Variants in NIPSNAP1 observed in about 807,000 individuals in gnomAD.
NIPSNAP1 encodes protein NipSnap homolog 1.
A neutral mutation model predicts 49.2 loss-of-function variants in NIPSNAP1; 25 were observed. The observed-to-expected ratio is 0.51, with a 90% CI of 0.37 to 0.71. The LOEUF (loss-of-function observed/expected upper bound fraction) is 0.71. NIPSNAP1 is among the 30% of genes least tolerant of loss of function. The probability of loss-of-function intolerance (pLI) is 0.00; values close to 1 mark genes in which losing one functional copy is unlikely to be tolerated. For synonymous variants in NIPSNAP1, 143 were observed against 140.7 expected, an observed-to-expected ratio of 1.02 and a Z score of -0.12; for missense variants, 294 against 361.0, an observed-to-expected ratio of 0.81 and a Z score of 1.50.
chr22:29,569,919 G>T lies in NIPSNAP1; in HGVS notation c.272+243C>A, dbSNP rs542694536. Reference sequence around the variant, plus strand: ...CAGGAGAATCGCTTGTACCTGGGAGGCAGAGGTTGCAGTGAGCCGAGATCG... The same window carrying T: ...CAGGAGAATCGCTTGTACCTGGGAGTCAGAGGTTGCAGTGAGCCGAGATCG... On this transcript the variant is annotated intron_variant, in intron 3 of 9. Coordinates refer to ENST00000216121, the MANE Select transcript of NIPSNAP1 (RefSeq NM_003634.4). The T allele has an allele frequency of 9.9e-4, 507 of 512,850 alleles. 5 individuals carry two copies. Among genetic ancestry groups the T allele is most frequent in the African/African-American group, 9.3e-3 (475 of 51,100 alleles). The allele number at this position is 512,850 out of a possible 1,614,324, so 31.8% of individuals were successfully genotyped here.
intron 4 of NIPSNAP1, 21 bp downstream of exon 4, chr22:29,569,172 C>T (rs1366100501): frequency 2.5e-6 from 4 of 1,608,890 alleles, no homozygotes; most frequent in Non-Finnish European, 2.6e-6. Context: ...GGCAATGGCA[C>T]TAGGGAGGTG....
Position 29,560,803 on chromosome 22 carries a change from C to T in NIPSNAP1, c.637G>A (p.Glu213Lys). ...NWARAIKYRQ[E>K]NQEAVGGFFS... Reference sequence around the variant, plus strand: ...AAGCCGCCCACTGCCTCCTGGTTCTCCTGCCGGTACTTGATGGCCCGAGCC... The same window carrying T: ...AAGCCGCCCACTGCCTCCTGGTTCTTCTGCCGGTACTTGATGGCCCGAGCC... The change falls in exon 8 of 10, where the codon GAG becomes AAG. Residue 213 changes from glutamate to lysine, a missense_variant. Glu to Lys is a moderately conservative substitution (Grantham distance 56, BLOSUM62 1). Transcript: ENST00000216121. The T allele has an allele frequency of 1.2e-6, 2 of 1,614,150 alleles. No individual in the cohort carries two copies. The highest frequency in any genetic ancestry group is 2.2e-5 in the South Asian group (2 of 91,082).
intron 3 of NIPSNAP1, chr22:29,569,955 C>T: frequency 1.7e-6 from 1 of 580,008 alleles, no homozygotes; most frequent in Non-Finnish European, 3.1e-6. Flanking sequence ...CGCCATTGCA[C>T]TCCAGCCTGG....
chr22:29,576,012 C>T (rs2064449089), intron 1 of NIPSNAP1, among the ~76,000 whole-genome samples: 1 of 98,648 alleles, frequency 1.0e-5, no homozygotes, highest in East Asian at 2.4e-4. Flanking sequence ...CCACACTTGG[C>T]CTTTTTTTTT....
intron 4 of NIPSNAP1, 76 bp from the exon 5 acceptor site, chr22:29,561,938 G>A (rs2146604136): frequency 7.2e-7 from 1 of 1,387,194 alleles, no homozygotes; most frequent in Admixed American, 1.7e-5. Context: ...TTGGCTAAGT[G>A]GTGGGGACGG....
intron 1 of NIPSNAP1, chr22:29,580,215 T>C: frequency 7.7e-7 from 1 of 1,303,404 alleles, no homozygotes; most frequent in Non-Finnish European, 1.0e-6. Flanking sequence ...AAGCACCAAG[T>C]CATAACTGTG....
intron 4 of NIPSNAP1, among the ~76,000 whole-genome samples, chr22:29,563,161 G>A (rs1291192632): frequency 6.6e-6 from 1 of 151,982 alleles, no homozygotes; most frequent in African/African-American, 2.4e-5. Context: ...AGTTACTCGG[G>A]AGGCTGAGGC....
intron 7 of NIPSNAP1, 69 bp from the exon 8 acceptor site, chr22:29,560,897 G>C: frequency 7.0e-7 from 1 of 1,436,726 alleles, no homozygotes; most frequent in East Asian, 2.3e-5. Context: ...CTGATTCCTT[G>C]GCCACACTTC....
chr22:29,561,392 G>A (rs2064334332), intron 6 of NIPSNAP1, 114 bp downstream of exon 6: 14 of 1,516,366 alleles, frequency 9.2e-6, no homozygotes, highest in Non-Finnish European at 1.3e-5. Context: ...ACTCTGCTCT[G>A]AGCCCATAGG....
chr22:29,563,533 TAAATAAATAAAAATAA>T (rs1601489825), intron 4 of NIPSNAP1, among the ~76,000 whole-genome samples: 1 of 151,868 alleles, frequency 6.6e-6, no homozygotes, highest in African/African-American at 2.4e-5. Flanking sequence ...TCTCAAAAAA[TAAATAAATAAAAATAA>T]AAATAAATAA....
At chr22:29,561,465 G>A (rs369466677) in intron 6 of NIPSNAP1, 41 bp downstream of exon 6, 30 of 1,613,212 alleles carry the variant, frequency 1.9e-5, no homozygotes, top group African/African-American at 2.7e-5. Flanking sequence ...ATTGCAGCAG[G>A]GAAATTGGGG....
chr22:29,575,309 G>A (rs954135469), intron 1 of NIPSNAP1, among the ~76,000 whole-genome samples: 2 of 152,150 alleles, frequency 1.3e-5, no homozygotes, highest in South Asian at 2.1e-4. Context: ...AACTTCAGGA[G>A]CTCTGATGGG....
chr22:29,558,888 C>T lies in NIPSNAP1; in HGVS notation c.772G>A (p.Glu258Lys). 2 of 1,613,900 alleles carry T rather than the reference C, an allele frequency of 1.2e-6. No individual in the cohort carries two copies. The highest frequency in any genetic ancestry group is 8.5e-7 in the Non-Finnish European group (1 of 1,179,784). The change falls in exon 9 of 10, where the codon GAA becomes AAA. Residue 258 changes from glutamate to lysine, a missense_variant. Transcript: ENST00000216121. Reference sequence around the variant, plus strand: ...CACTCACCTGTATAGTAGACATTTTCATCCCAGCCTCTCTTCCTCCAGGCA... The same window carrying T: ...CACTCACCTGTATAGTAGACATTTTTATCCCAGCCTCTCTTCCTCCAGGCA... Reference protein sequence around the residue: ...NAAWRKRGWDENVYYTVPLVR... With the variant: ...NAAWRKRGWDKNVYYTVPLVR...
intron 1 of NIPSNAP1, among the ~76,000 whole-genome samples, chr22:29,578,414 C>G (rs1296583050): frequency 6.6e-6 from 1 of 151,270 alleles, no homozygotes; most frequent in South Asian, 2.1e-4. Flanking sequence ...TCAAGCAATC[C>G]TCCCACCTTG....
chr22:29,574,261 CAAAAAAAAAAAA>C (rs1158442759), intron 1 of NIPSNAP1, among the ~76,000 whole-genome samples: 1,319 of 36,426 alleles, frequency 0.036, 11 homozygotes, highest in African/African-American at 0.11. Flanking sequence ...TCCATCTTCA[CAAAAAAAAAAAA>C]AAAAAAAAAA....
At chr22:29,558,157 G>T (rs2064309021) in intron 9 of NIPSNAP1, among the ~76,000 whole-genome samples, 1 of 152,132 alleles carries the variant, frequency 6.6e-6, no homozygotes, top group Non-Finnish European at 1.5e-5. Context: ...GACAGACACT[G>T]GAGAAAGCAC....
chr22:29,576,298 G>T (rs1314567196), intron 1 of NIPSNAP1, among the ~76,000 whole-genome samples: 1 of 151,048 alleles, frequency 6.6e-6, no homozygotes, highest in African/African-American at 2.5e-5. Context: ...GGGATTACAG[G>T]CATGATCCAC....
intron 4 of NIPSNAP1, among the ~76,000 whole-genome samples, chr22:29,566,290 G>A (rs531721626): frequency 1.1e-4 from 16 of 151,640 alleles, no homozygotes; most frequent in Middle Eastern, 6.8e-3. Context: ...ATAAGCATAA[G>A]CCACCATATT....
At chr22:29,577,622 G>A (rs1452008421) in intron 1 of NIPSNAP1, among the ~76,000 whole-genome samples, 3 of 151,116 alleles carry the variant, frequency 2.0e-5, no homozygotes, top group Non-Finnish European at 2.9e-5. Flanking sequence ...GTTTCACCAC[G>A]TTGGCCAGGT....
Sources: gnomAD v4.1 joint callset for allele counts (sites outside exome capture counted in the v4.1 genomes callset) on GRCh38, gnomAD v4.1.1 for gene constraint, MANE v1.5 for transcripts, NCBI Gene and HGNC (gene_info 2026-07-23, HGNC 2026-07-21) for gene names.